TRMT44: variants seen among roughly 807,000 people sequenced by gnomAD.
TRMT44 encodes tRNA methyltransferase 44 homolog, also known as probable tRNA (uracil-O(2)-)-methyltransferase.
TRMT44 carries 78 observed loss-of-function variants against 77.3 expected under a neutral mutation model. The ratio of observed to expected loss-of-function variants is 1.01; its 90% CI spans 0.84 to 1.22. The LOEUF (loss-of-function observed/expected upper bound fraction) is 1.22, where lower values mean the gene tolerates loss of function less well. Among genes scored for constraint, TRMT44 ranks in the 50% most tolerant of loss-of-function variants. The probability of loss-of-function intolerance (pLI) is 0.00; values close to 1 mark genes in which losing one functional copy is unlikely to be tolerated. For synonymous variants in TRMT44, 391 were observed against 383.3 expected (o/e 1.02, Z -0.23); for missense variants, 1,090 against 964.4 (o/e 1.13, Z -1.73).
rs374377589 is a variant in TRMT44 at position 8,462,999 on chromosome 4, A to G, written c.1204-986A>G. ...AACATCTATGTAAGTAGAAGCACAT[A>G]TGCTTATTGAAGAACCAGAGAGAGA... On this transcript the variant is annotated intron_variant, in intron 6 of 10. Transcript: ENST00000389737. 1.8e-3 allele frequency among the ~76,000 whole-genome samples: 274 copies of G among 152,352 alleles called. 9 individuals are homozygous for G. In the South Asian group the frequency reaches 0.055, roughly 30 times the overall value.
chr4:8,487,088 A>T lies in TRMT44; in HGVS notation n.3892-6178A>T, dbSNP rs563660513. On this transcript the variant is annotated intron_variant and non_coding_transcript_variant, in intron 2 of 2. Coordinates refer to the TRMT44 transcript ENST00000511366. ...AAAAGAATGCCTGGACGTCAGGCACATCAGACTGTTTGCTATTTTATGACA... is the reference window on the plus strand; with the variant it reads ...AAAAGAATGCCTGGACGTCAGGCACTTCAGACTGTTTGCTATTTTATGACA... Among the ~76,000 whole-genome samples the T allele has an allele frequency of 2.6e-5, 4 of 152,310 alleles. No homozygotes were observed. In the South Asian group the frequency reaches 6.2e-4, roughly 24 times the overall value.
intron 6 of TRMT44, among the ~76,000 whole-genome samples, chr4:8,456,254 C>T (rs1225777194): frequency 1.3e-5 from 2 of 152,130 alleles, no homozygotes; most frequent in Non-Finnish European, 2.9e-5. Flanking sequence ...TGTGTGACAC[C>T]GATCACCTCT....
chr4:8,456,101 G>T (rs1334393085), intron 6 of TRMT44, among the ~76,000 whole-genome samples: 1 of 152,186 alleles, frequency 6.6e-6, no homozygotes, highest in African/African-American at 2.4e-5. Context: ...TCTGTCAAGA[G>T]AAACGCAAAT....
Position 8,441,093 on chromosome 4 carries a change from C to A in TRMT44, c.271C>A (p.Pro91Thr). 1.3e-6 allele frequency: 2 copies of A among 1,507,644 alleles called. No individual in the cohort carries two copies. Among genetic ancestry groups the A allele is most frequent in the South Asian group, 1.3e-5 (1 of 79,932 alleles). 93.4% of individuals were successfully genotyped at this position (1,507,644 alleles called of 1,614,324 possible). Residue 91 changes from proline (P) to threonine (T), a missense_variant, in exon 1 of 11, where the codon CCC becomes ACC. Pro to Thr is a conservative substitution (Grantham distance 38). Coordinates refer to ENST00000389737, the MANE Select transcript of TRMT44 (RefSeq NM_152544.3). ...CCCGGGTCCCAGGTCGCTATCAGGA[C>A]CCGAGCAGGGCACGGCATGTTGCGA... ...GGPGPRSLSG[P>T]EQGTACCELE...
At chr4:8,502,140 G>A in the TRMT44 span, among the ~76,000 whole-genome samples, 2 of 152,362 alleles carry the variant, frequency 1.3e-5, no homozygotes, top group South Asian at 4.1e-4. Context: ...TAAAACGGGG[G>A]CTCCTGTTGA....
At chr4:8,505,032 T>A in the TRMT44 span, among the ~76,000 whole-genome samples, 1 of 152,090 alleles carries the variant, frequency 6.6e-6, no homozygotes, top group Admixed American at 6.5e-5. Context: ...CCCCTCCATG[T>A]CCCACTCCCT....
rs1325525494 is a variant in TRMT44 at position 8,449,818 on chromosome 4, C to A, written c.884C>A (p.Ser295Tyr). Residue 295 changes from serine (S) to tyrosine (Y), a missense_variant, in exon 3 of 11, where the codon TCC (serine) becomes TAC (tyrosine). Coordinates refer to ENST00000389737, the MANE Select transcript of TRMT44 (RefSeq NM_152544.3). Reference protein sequence around the residue: ...NKKSDFKSTLSLISIMKYSKA... With the variant: ...NKKSDFKSTLYLISIMKYSKA... ...AAGAGTGACTTTAAAAGCACCCTTT[C>A]CCTCATCTCCATTATGAAGTATAGC... 2.6e-6 allele frequency: 4 copies of A among 1,535,834 alleles called. No homozygotes were observed. The highest frequency in any genetic ancestry group is 3.5e-6 in the Non-Finnish European group (4 of 1,146,860).
chr4:8,449,539 T>C, intron 2 of TRMT44, 130 bp from the exon 3 acceptor site: 1 of 666,620 alleles, frequency 1.5e-6, no homozygotes. Context: ...TAACTAGTTC[T>C]AGTTCGTTTT....
At chr4:8,505,109 A>C in the TRMT44 span, among the ~76,000 whole-genome samples, 5 of 152,058 alleles carry the variant, frequency 3.3e-5, no homozygotes, top group African/African-American at 9.7e-5. Context: ...GCGGTGCTAC[A>C]CTGAGGGCCC....
chr4:8,463,071 C>G (rs763326269), intron 6 of TRMT44, among the ~76,000 whole-genome samples: 8 of 152,172 alleles, frequency 5.3e-5, no homozygotes, highest in Non-Finnish European at 8.8e-5. Flanking sequence ...GTAAAACATT[C>G]TTGTGTTATA....
intron 6 of TRMT44, among the ~76,000 whole-genome samples, chr4:8,463,744 A>G (rs1300882941): frequency 6.6e-6 from 1 of 152,230 alleles, no homozygotes; most frequent in African/African-American, 2.4e-5. Flanking sequence ...TAGCACTCAG[A>G]AAAGTGCTGT....
At chr4:8,487,543 G>C (rs1312361466) in intron 2 of TRMT44, among the ~76,000 whole-genome samples, 2 of 151,712 alleles carry the variant, frequency 1.3e-5, no homozygotes, top group Non-Finnish European at 2.9e-5. Flanking sequence ...GTAAGAGGTC[G>C]GGCCATGGAA....
At position 8,468,226 on chromosome 4, in the gene TRMT44, G is replaced by T. The variant is rs374840681; in HGVS notation, c.1807G>T (p.Ala603Ser). Residue 603 changes from alanine (A) to serine (S), a missense_variant, in exon 9 of 11, where the codon GCC (alanine) becomes TCC (serine). Transcript: ENST00000389737. ...EKAERVRNCA[A>S]LPRDFIDQVV... Reference sequence around the variant, plus strand: ...GGCTGAGCGTGTGAGGAACTGTGCCGCCCTGCCACGAGATTTTATTGACCA... The same window carrying T: ...GGCTGAGCGTGTGAGGAACTGTGCCTCCCTGCCACGAGATTTTATTGACCA... 8.7e-6 allele frequency: 14 copies of T among 1,614,224 alleles called. No individual in the cohort carries two copies. The highest frequency in any genetic ancestry group is 2.2e-5 in the East Asian group (1 of 44,886).
intron 1 of TRMT44, among the ~76,000 whole-genome samples, chr4:8,443,028 T>G (rs931803670): frequency 6.6e-6 from 1 of 152,192 alleles, no homozygotes; most frequent in Admixed American, 6.5e-5. Flanking sequence ...ATGGACACTT[T>G]TGGGAGGCTC....
chr4:8,499,442 C>T, the TRMT44 span, among the ~76,000 whole-genome samples: 2 of 152,184 alleles, frequency 1.3e-5, no homozygotes, highest in South Asian at 2.1e-4. Flanking sequence ...TCCACGGAGC[C>T]TCAGGCCTTT....
At chr4:8,475,208 C>T (rs909075893) in intron 10 of TRMT44, among the ~76,000 whole-genome samples, 7 of 152,234 alleles carry the variant, frequency 4.6e-5, no homozygotes, top group Non-Finnish European at 1.0e-4. Context: ...CTGCGCCTTG[C>T]CCCTCTTTCT....
At chr4:8,466,252 TG>T (rs1361033259) in intron 8 of TRMT44, among the ~76,000 whole-genome samples, 2 of 152,248 alleles carry the variant, frequency 1.3e-5, no homozygotes, top group African/African-American at 4.8e-5. Context: ...ATTTGATGGC[TG>T]CCTTAGCAAG....
rs1724962046 is a variant in TRMT44, at chr4:8,444,792, T to C, written c.620-1684T>C. Among the ~76,000 whole-genome samples, 1 of 152,262 alleles carries C rather than the reference T, an allele frequency of 6.6e-6. No individual in the cohort carries two copies. The highest frequency in any genetic ancestry group is 2.4e-5 in the African/African-American group (1 of 41,464). ...GAGGGGATGGATGCCCCATTCTCCA[T>C]GATGTGATTAGTTCACATTGCATGC... On this transcript the variant is annotated intron_variant, in intron 1 of 10. Coordinates refer to ENST00000389737, the MANE Select transcript of TRMT44 (RefSeq NM_152544.3). The surrounding 1 kb of genome is among the most constrained non-coding windows in gnomAD (Gnocchi z 4.0).
At chr4:8,442,696 C>A (rs1371866132) in intron 1 of TRMT44, among the ~76,000 whole-genome samples, 1 of 152,194 alleles carries the variant, frequency 6.6e-6, no homozygotes, top group Non-Finnish European at 1.5e-5. Context: ...TTATGTAGGA[C>A]TGGGGTCCTT....
Sources: allele counts gnomAD v4.1 joint callset (sites outside exome capture counted in the v4.1 genomes callset), GRCh38; gene constraint gnomAD v4.1.1; non-coding constraint Gnocchi (gnomAD v3.1); transcripts MANE v1.5; gene names NCBI Gene and HGNC (gene_info 2026-07-23, HGNC 2026-07-21).